Variants in GSK3B observed in about 807,000 individuals in gnomAD.
GSK3B encodes glycogen synthase kinase 3 beta.
A neutral mutation model predicts 56.4 loss-of-function variants in GSK3B; 15 were observed. That is an observed-to-expected ratio of 0.27 (90% CI 0.18 to 0.41). The LOEUF (loss-of-function observed/expected upper bound fraction) is 0.41. Among genes scored for constraint, GSK3B ranks in the 10% least tolerant of loss-of-function variants. GSK3B has a pLI of 1.00. For missense variants in GSK3B, 300 were observed against 513.4 expected, an observed-to-expected ratio of 0.58 and a Z score of 4.02; for synonymous variants, 181 against 188.9, an observed-to-expected ratio of 0.96 and a Z score of 0.34.
At chr3:119,943,131 T>G (rs2057066435) in intron 3 of GSK3B, among the ~76,000 whole-genome samples, 1 of 152,206 alleles carries the variant, frequency 6.6e-6, no homozygotes, top group Non-Finnish European at 1.5e-5. Flanking sequence ...AAAGAAAGTC[T>G]TTAAAATGCA....
At chr3:120,071,557 A>G (rs2058326894) in intron 1 of GSK3B, among the ~76,000 whole-genome samples, 3 of 152,158 alleles carry the variant, frequency 2.0e-5, no homozygotes, top group South Asian at 2.1e-4. Flanking sequence ...TAAAGCACAC[A>G]TGCGAGGGAT....
chr3:119,964,092 T>C (rs2057298222), intron 2 of GSK3B, among the ~76,000 whole-genome samples: 1 of 152,102 alleles, frequency 6.6e-6, no homozygotes, highest in African/African-American at 2.4e-5. Flanking sequence ...GAAGAAAATA[T>C]TTGCAAACCA....
At chr3:120,028,172 ATG>A (rs113594679) in intron 1 of GSK3B, among the ~76,000 whole-genome samples, 3,939 of 152,292 alleles carry the variant, frequency 0.026, 170 homozygotes, top group African/African-American at 0.089. Flanking sequence ...ACTGACTGGG[ATG>A]TGTGTTTAAA....
intron 2 of GSK3B, among the ~76,000 whole-genome samples, chr3:119,995,419 G>T (rs1282283977): frequency 6.6e-6 from 1 of 151,940 alleles, no homozygotes; most frequent in African/African-American, 2.4e-5. Flanking sequence ...TGGATAAAAG[G>T]TTTAAGGAAG....
chr3:119,973,024 C>G (rs985471074), intron 2 of GSK3B, among the ~76,000 whole-genome samples: 2 of 152,132 alleles, frequency 1.3e-5, no homozygotes, highest in African/African-American at 4.8e-5. Flanking sequence ...TCTACACTTT[C>G]CAATATTGAG....
At chr3:120,009,607 G>T (rs188238982) in intron 1 of GSK3B, among the ~76,000 whole-genome samples, 23 of 151,886 alleles carry the variant, frequency 1.5e-4, no homozygotes, top group Non-Finnish European at 2.8e-4. Flanking sequence ...ACCAAACACC[G>T]CATGTTCTCA....
intron 10 of GSK3B, among the ~76,000 whole-genome samples, chr3:119,827,651 A>C (rs2055535768): frequency 6.6e-6 from 1 of 151,950 alleles, no homozygotes. Context: ...GAAAAAGAAA[A>C]AGAATGAGAT....
chr3:120,035,610 A>AAC (rs1192705666), intron 1 of GSK3B, among the ~76,000 whole-genome samples: 1 of 152,236 alleles, frequency 6.6e-6, no homozygotes, highest in Non-Finnish European at 1.5e-5. Flanking sequence ...CCAATTCATG[A>AAC]ACATAGGATG....
chr3:119,905,814 G>A lies in GSK3B; in HGVS notation c.754C>T (p.Leu252=), dbSNP rs373857327. The A allele has an allele frequency of 9.3e-6, 15 of 1,606,644 alleles. No individual in the cohort carries two copies. The highest frequency in any genetic ancestry group is 1.6e-4 in the Middle Eastern group (1 of 6,070). The part of the protein sequence containing the change: ...SAGCVLAELL[L]GQPIFPGDSG... ...TCCCCTGGAAATATTGGTTGTCCTA[G>A]TAACAGCTCAGCCAACACACAGCCA... is the stretch of plus-strand genomic sequence containing the variant. Residue 252 remains leucine (L), a synonymous_variant, in exon 7 of 11, where the codon CTA becomes TTA. Transcript: ENST00000264235.
At chr3:119,891,722 T>C (rs747194152) in intron 7 of GSK3B, among the ~76,000 whole-genome samples, 4 of 152,132 alleles carry the variant, frequency 2.6e-5, no homozygotes, top group African/African-American at 4.8e-5. Flanking sequence ...TTAAACTAGA[T>C]GGAAATGCTT....
rs1365234253 is a variant in GSK3B at position 119,834,967 on chromosome 3, GA to G, written c.1196-8113del. On this transcript the variant is annotated intron_variant, in intron 10 of 10. Transcript: ENST00000264235. ...ATATACAAACTCACAAAGTGAACCT[GA>G]AACCCTAACATGGGGTAGATACAAT... is the stretch of plus-strand genomic sequence containing the variant. Among the ~76,000 whole-genome samples the G allele has an allele frequency of 2.0e-5, 3 of 152,340 alleles. No homozygotes were observed. The East Asian group carries it at 5.8e-4, about 29-fold the overall frequency.
At chr3:119,902,989 A>G (rs922612999) in intron 7 of GSK3B, among the ~76,000 whole-genome samples, 2 of 148,646 alleles carry the variant, frequency 1.3e-5, no homozygotes, top group Non-Finnish European at 3.0e-5. Flanking sequence ...TGCTGGGGTT[A>G]CAGGCGTGAA....
intron 7 of GSK3B, among the ~76,000 whole-genome samples, chr3:119,904,367 T>C (rs1391004206): frequency 6.6e-6 from 1 of 152,052 alleles, no homozygotes; most frequent in East Asian, 1.9e-4. Flanking sequence ...AAAAAGAAAA[T>C]AGTTCTGTTA....
At chr3:119,869,235 A>AAAAAC (rs1553726298) in intron 8 of GSK3B, among the ~76,000 whole-genome samples, 4 of 150,360 alleles carry the variant, frequency 2.7e-5, no homozygotes, top group East Asian at 1.9e-4. Flanking sequence ...AAAAAAAAAA[A>AAAAAC]AAAAAAAAAA....
At chr3:120,030,340 T>C (rs1162865830) in intron 1 of GSK3B, among the ~76,000 whole-genome samples, 1 of 152,192 alleles carries the variant, frequency 6.6e-6, no homozygotes, top group African/African-American at 2.4e-5. Context: ...TTGAGAGCTG[T>C]TGGTTCTCAA....
intron 1 of GSK3B, among the ~76,000 whole-genome samples, chr3:120,041,785 T>C (rs1471003483): frequency 1.3e-5 from 2 of 152,120 alleles, no homozygotes; most frequent in Non-Finnish European, 2.9e-5. Context: ...TCCCAAGTGA[T>C]TGAAGGAAAA....
At chr3:120,045,397 T>C (rs1201080661) in intron 1 of GSK3B, among the ~76,000 whole-genome samples, 1 of 152,140 alleles carries the variant, frequency 6.6e-6, no homozygotes, top group Non-Finnish European at 1.5e-5. Flanking sequence ...TCTGTTCCCT[T>C]GGTTACCCAC....
In GSK3B at chr3:120,053,009, T is replaced by C. The variant is rs552286674; in HGVS notation, c.88+40338A>G. Among the ~76,000 whole-genome samples the C allele has an allele frequency of 1.9e-4, 29 of 152,314 alleles. No individual in the cohort carries two copies. In the Middle Eastern group the frequency reaches 0.01, roughly 54 times the overall value. ...CTAAAGCAGTCTAACTACAGAGCTC[T>C]ACTATAGAGCTCTACATTCTAAGTA... On this transcript the variant is annotated intron_variant, in intron 1 of 10. Coordinates refer to ENST00000264235, the MANE Select transcript of GSK3B (RefSeq NM_001146156.2).
At chr3:119,930,990 C>G (rs2056940239) in intron 3 of GSK3B, among the ~76,000 whole-genome samples, 1 of 152,044 alleles carries the variant, frequency 6.6e-6, no homozygotes, top group Non-Finnish European at 1.5e-5. Context: ...ATGAAGGCAC[C>G]AAAAAATGCT....
Sources: allele counts gnomAD v4.1 joint callset (sites outside exome capture counted in the v4.1 genomes callset), GRCh38; gene constraint gnomAD v4.1.1; transcripts MANE v1.5; gene names NCBI Gene and HGNC (gene_info 2026-07-23, HGNC 2026-07-21).